LRP1B: variants seen among roughly 807,000 people sequenced by gnomAD.
LRP1B encodes LDL receptor related protein 1B, also known as low-density lipoprotein receptor-related protein 1B.
Under a neutral mutation model 556.6 loss-of-function variants are expected in LRP1B, and 217 were observed. The ratio of observed to expected loss-of-function variants is 0.39; its 90% CI spans 0.35 to 0.44. LRP1B has a LOEUF of 0.44. Among genes scored for constraint, LRP1B ranks in the 20% least tolerant of loss-of-function variants. The probability of loss-of-function intolerance (pLI) is 1.00; values close to 1 mark genes in which losing one functional copy is unlikely to be tolerated. For missense variants in LRP1B, 5,053 were observed against 5,620.8 expected (o/e 0.90, Z 3.23); for synonymous variants, 2,047 against 1,865.8 (o/e 1.10, Z -2.50).
At chr2:141,079,440 A>C (rs1699870812) in intron 7 of LRP1B, among the ~76,000 whole-genome samples, 2 of 152,226 alleles carry the variant, frequency 1.3e-5, no homozygotes, top group South Asian at 2.1e-4. Context: ...GTTTTCCTAC[A>C]TATGTAAATA....
At chr2:141,133,285 C>T (rs74988695) in intron 7 of LRP1B, among the ~76,000 whole-genome samples, 3,561 of 91,724 alleles carry the variant, frequency 0.039, 158 homozygotes, top group African/African-American at 0.12. Flanking sequence ...CTACCTGTAA[C>T]GTCTCTTTTT....
intron 3 of LRP1B, among the ~76,000 whole-genome samples, chr2:141,464,162 C>T (rs534817001): frequency 2.6e-5 from 4 of 152,022 alleles, no homozygotes; most frequent in African/African-American, 9.6e-5. Context: ...TTCTTACCTG[C>T]CCACTCAAAA....
At chr2:141,669,975 G>C (rs979628401) in intron 2 of LRP1B, among the ~76,000 whole-genome samples, 2 of 151,954 alleles carry the variant, frequency 1.3e-5, no homozygotes, top group Admixed American at 1.3e-4. Context: ...GGCTGGTCTC[G>C]AACTCCTGAC....
At chr2:141,729,498 C>T (rs1027617825) in intron 2 of LRP1B, among the ~76,000 whole-genome samples, 6 of 152,082 alleles carry the variant, frequency 3.9e-5, no homozygotes, top group Non-Finnish European at 8.8e-5. Context: ...AGAAATTATA[C>T]ATCAGGGGGT....
intron 6 of LRP1B, among the ~76,000 whole-genome samples, chr2:141,195,602 C>T (rs1048589959): frequency 1.2e-4 from 18 of 152,106 alleles, no homozygotes; most frequent in African/African-American, 3.6e-4. Context: ...AGACTGCCTA[C>T]GCCAATAACT....
At chr2:141,116,050 TTTC>T (rs1297885204) in intron 7 of LRP1B, among the ~76,000 whole-genome samples, 1 of 152,112 alleles carries the variant, frequency 6.6e-6, no homozygotes, top group Non-Finnish European at 1.5e-5. Context: ...AATGGAGAGT[TTTC>T]TTTTTTCCTG....
At chr2:141,160,930 A>C (rs1444218424) in intron 7 of LRP1B, among the ~76,000 whole-genome samples, 1 of 152,012 alleles carries the variant, frequency 6.6e-6, no homozygotes, top group Non-Finnish European at 1.5e-5. Flanking sequence ...GTTACAATTA[A>C]GAGTATTGAG....
chr2:141,635,242 T>A lies in LRP1B; in HGVS notation c.206-154709A>T, dbSNP rs895117656. On this transcript the variant is annotated intron_variant, in intron 2 of 90. Transcript: ENST00000389484. ...ATGATAATACTGATTAAAAATTAAC[T>A]CGAGGCTTTTAAAATATTATTTAGA... 2.0e-5 allele frequency among the ~76,000 whole-genome samples: 3 copies of A among 152,152 alleles called. No individual in the cohort carries two copies. The East Asian group carries it at 5.8e-4, about 29-fold the overall frequency.
At chr2:141,544,311 T>TTCTTCTTCTTCTTCTTCTTCTTC (rs1685402338) in intron 2 of LRP1B, among the ~76,000 whole-genome samples, 1 of 15,716 alleles carries the variant, frequency 6.4e-5, no homozygotes, top group Admixed American at 8.5e-4. Context: ...CTTCTTCTTC[T>TTCTTCTTCTTCTTCTTCTTCTTC]TCTTCTTCTT....
At chr2:142,042,364 T>G (rs180733372) in intron 1 of LRP1B, among the ~76,000 whole-genome samples, 7 of 151,446 alleles carry the variant, frequency 4.6e-5, no homozygotes, top group African/African-American at 1.7e-4. Flanking sequence ...TGGTGAAGGC[T>G]GAGCTAATTA....
intron 41 of LRP1B, among the ~76,000 whole-genome samples, chr2:140,679,865 G>A (rs530446532): frequency 2.2e-4 from 33 of 151,970 alleles, no homozygotes; most frequent in African/African-American, 7.2e-4. Flanking sequence ...CTCTGAATAC[G>A]ACCCAACACA....
intron 2 of LRP1B, among the ~76,000 whole-genome samples, chr2:141,609,700 T>G (rs1250461217): frequency 6.6e-6 from 1 of 152,210 alleles, no homozygotes; most frequent in African/African-American, 2.4e-5. Flanking sequence ...CAGCTAACGC[T>G]TTATCTTTCA....
chr2:141,479,597 T>G (rs1264837826), intron 3 of LRP1B, among the ~76,000 whole-genome samples: 1 of 152,164 alleles, frequency 6.6e-6, no homozygotes, highest in Non-Finnish European at 1.5e-5. Context: ...TATGAGAATC[T>G]GAGTTAAAGA....
chr2:140,898,686 A>G, intron 23 of LRP1B: 1 of 469,228 alleles, frequency 2.1e-6, no homozygotes, highest in South Asian at 1.6e-5. Context: ...AATTCTAGAG[A>G]TGCTACGCCT....
chr2:141,176,935 T>C (rs1680762863), intron 7 of LRP1B, among the ~76,000 whole-genome samples: 1 of 152,084 alleles, frequency 6.6e-6, no homozygotes, highest in African/African-American at 2.4e-5. Flanking sequence ...GAGACAGACA[T>C]CTGTCAATCA....
chr2:140,621,419 A>C (rs537969188), intron 41 of LRP1B, among the ~76,000 whole-genome samples: 1 of 151,514 alleles, frequency 6.6e-6, no homozygotes, highest in East Asian at 1.9e-4. Context: ...GAAAATACTG[A>C]TATTGTCAAA....
rs375834878 is a variant in LRP1B, at chr2:140,776,183, T to C, written c.5415A>G (p.Lys1805=). 3.7e-6 allele frequency: 6 copies of C among 1,602,500 alleles called. No homozygotes were observed. Among genetic ancestry groups the C allele is most frequent in the Non-Finnish European group, 5.1e-6 (6 of 1,175,078 alleles). ...GGATGGTGGGGTTTCTTCCGTCTCTTTTGCTGCAGGTTCCTAGCTGGGCTA... is the reference window on the plus strand; with the variant it reads ...GGATGGTGGGGTTTCTTCCGTCTCTCTTGCTGCAGGTTCCTAGCTGGGCTA... The part of the protein sequence containing the change: ...QNLAQLGTCS[K]RDGRNPTILR... Residue 1805 remains lysine (K), a synonymous_variant, in exon 33 of 91, where the codon AAA becomes AAG. Transcript: ENST00000389484.
chr2:141,902,484 G>C (rs911680317), intron 1 of LRP1B, among the ~76,000 whole-genome samples: 1 of 151,784 alleles, frequency 6.6e-6, no homozygotes, highest in Non-Finnish European at 1.5e-5. Context: ...CCTATTCCGG[G>C]GGCTTCAAAA....
intron 3 of LRP1B, among the ~76,000 whole-genome samples, chr2:141,392,321 A>G (rs1690080464): frequency 6.6e-6 from 1 of 152,084 alleles, no homozygotes; most frequent in Non-Finnish European, 1.5e-5. Context: ...CCTGAAGAGT[A>G]AAGTGCTATT....
Sources: gnomAD v4.1 joint callset for allele counts (sites outside exome capture counted in the v4.1 genomes callset) on GRCh38, gnomAD v4.1.1 for gene constraint, MANE v1.5 for transcripts, NCBI Gene and HGNC (gene_info 2026-07-23, HGNC 2026-07-21) for gene names.